Variants in USP44 observed in about 807,000 individuals in gnomAD.
USP44 encodes the protein ubiquitin specific peptidase 44, also known as ubiquitin carboxyl-terminal hydrolase 44.
USP44 carries 61 observed loss-of-function variants against 69.0 expected under a neutral mutation model. That is an observed-to-expected ratio of 0.88 (90% CI 0.72 to 1.09). The LOEUF (loss-of-function observed/expected upper bound fraction) is 1.09, where lower values mean the gene tolerates loss of function less well. Ranked by LOEUF, USP44 falls within the 50% of genes least tolerant of loss-of-function variation. USP44 has a pLI of 0.00. For missense variants in USP44, 753 were observed against 849.9 expected (o/e 0.89, Z 1.42); for synonymous variants, 297 against 295.4 (o/e 1.01, Z -0.06).
intron 2 of USP44, among the ~76,000 whole-genome samples, chr12:95,529,596 T>C (rs1203275207): frequency 1.3e-5 from 2 of 152,132 alleles, no homozygotes; most frequent in African/African-American, 2.4e-5. Context: ...CTAATTTTTC[T>C]ATTTTTAGTA....
intron 1 of USP44, among the ~76,000 whole-genome samples, chr12:95,543,944 G>C (rs2077479943): frequency 1.0e-5 from 1 of 99,980 alleles, no homozygotes; most frequent in African/African-American, 4.0e-5. Flanking sequence ...TCCAGCCAGG[G>C]AGACAGAGGG....
intron 1 of USP44, among the ~76,000 whole-genome samples, chr12:95,537,378 G>T (rs1047454783): frequency 2.6e-5 from 4 of 152,056 alleles, no homozygotes; most frequent in Non-Finnish European, 5.9e-5. Flanking sequence ...GAGTGCAGGG[G>T]TGCTATCTTA....
At position 95,548,925 on chromosome 12, in the gene USP44, G is replaced by A. The variant is rs2077669823; in HGVS notation, c.-71+2347C>T. The A allele has an allele frequency of 6.6e-6, 1 of 152,092 alleles. No individual in the cohort carries two copies. The highest frequency in any genetic ancestry group is 6.5e-5 in the Admixed American group (1 of 15,280). The allele number at this position is 152,092 out of a possible 1,614,324, so 9.4% of individuals were successfully genotyped here. On this transcript the variant is annotated intron_variant, in intron 1 of 5. Coordinates refer to ENST00000258499, the MANE Select transcript of USP44 (RefSeq NM_032147.5). This position sits in a 1 kb window ranked among gnomAD's most constrained non-coding sequence, Gnocchi z 4.1. ...CCCACCCCTGCGCCGGCTCTTCGCG[G>A]GCACCGAGAACCTGCCGGTGGCCGC...
intron 1 of USP44, among the ~76,000 whole-genome samples, chr12:95,540,304 A>C (rs778249534): frequency 3.3e-5 from 5 of 151,730 alleles, no homozygotes; most frequent in Non-Finnish European, 7.4e-5. Flanking sequence ...CTAGGCTAGA[A>C]ATCTTAAGGA....
At chr12:95,524,129 G>A (rs1162622147) in intron 4 of USP44, among the ~76,000 whole-genome samples, 1 of 151,496 alleles carries the variant, frequency 6.6e-6, no homozygotes, top group East Asian at 2.0e-4. Flanking sequence ...CGCCCAGGCT[G>A]GAGTGCAACA....
At chr12:95,528,348 T>C (rs911961344) in intron 3 of USP44, among the ~76,000 whole-genome samples, 2 of 152,256 alleles carry the variant, frequency 1.3e-5, no homozygotes, top group African/African-American at 4.8e-5. Flanking sequence ...AATAAATCTT[T>C]GTTTTGATGA....
intron 1 of USP44, among the ~76,000 whole-genome samples, chr12:95,539,046 C>T (rs1592729378): frequency 1.3e-5 from 2 of 152,108 alleles, no homozygotes; most frequent in African/African-American, 4.8e-5. Flanking sequence ...ATTACCTGTA[C>T]CAATATAATA....
At chr12:95,525,886 G>T (rs1434259768) in intron 3 of USP44, among the ~76,000 whole-genome samples, 1 of 152,204 alleles carries the variant, frequency 6.6e-6, no homozygotes, top group African/African-American at 2.4e-5. Context: ...GTGGGAAGCA[G>T]GCTCAGTCCA....
intron 1 of USP44, among the ~76,000 whole-genome samples, chr12:95,545,031 T>C (rs2077527231): frequency 6.6e-6 from 1 of 152,170 alleles, no homozygotes; most frequent in African/African-American, 2.4e-5. Context: ...AATATACACT[T>C]TTCTACTCTC....
chr12:95,537,277 T>C (rs1303666176), intron 1 of USP44, among the ~76,000 whole-genome samples: 1 of 152,034 alleles, frequency 6.6e-6, no homozygotes, highest in Non-Finnish European at 1.5e-5. Context: ...ACAGAGAAAA[T>C]TTAGTTAAAC....
rs768142071 is a variant in USP44, at chr12:95,533,127, T to C, written c.1130A>G (p.Gln377Arg). ...CAATTCATGACAAAGAGAAATGTACTGTGAAGTTGGCTCCTTTGGCTGAAT... is the reference window on the plus strand; with the variant it reads ...CAATTCATGACAAAGAGAAATGTACCGTGAAGTTGGCTCCTTTGGCTGAAT... The part of the protein sequence containing the change: ...ELIQPKEPTS[Q>R]YISLCHELHT... The change falls in exon 2 of 6, where the codon CAG becomes CGG. Residue 377 changes from glutamine to arginine, a missense_variant. By Grantham distance (43) the Gln-to-Arg change is conservative (BLOSUM62 1). Transcript: ENST00000258499. 8 of 1,614,140 alleles carry C rather than the reference T, an allele frequency of 5.0e-6. No individual in the cohort carries two copies. The highest frequency in any genetic ancestry group is 3.3e-5 in the Admixed American group (2 of 60,006).
chr12:95,527,837 T>TTC (rs572609400), intron 3 of USP44, among the ~76,000 whole-genome samples: 969 of 58,756 alleles, frequency 0.016, 37 homozygotes, highest in African/African-American at 0.053. Flanking sequence ...AGGAAGATGC[T>TTC]TTTTTTTTTT....
At chr12:95,523,907 C>T (rs910361942) in intron 4 of USP44, among the ~76,000 whole-genome samples, 5 of 151,712 alleles carry the variant, frequency 3.3e-5, no homozygotes, top group Non-Finnish European at 7.4e-5. Flanking sequence ...GACAGAGTCT[C>T]GCTCTGTCAC....
In USP44 at chr12:95,518,106, A is replaced by T. The variant is rs752223072; in HGVS notation, c.*48T>A. 4 of 1,584,532 alleles carry T rather than the reference A, an allele frequency of 2.5e-6. No homozygotes were observed. In the African/African-American group the frequency reaches 5.4e-5, roughly 22 times the overall value. On this transcript the variant is annotated 3_prime_UTR_variant, in exon 6 of 6. Coordinates refer to ENST00000258499, the MANE Select transcript of USP44 (RefSeq NM_032147.5). ...GTTTAAAATGGTACATCAGTCTTTT[A>T]AAAAGTATATATATAAATCACAGGA... is the stretch of plus-strand genomic sequence containing the variant.
chr12:95,526,298 C>G (rs969729109), intron 3 of USP44, among the ~76,000 whole-genome samples: 1 of 152,196 alleles, frequency 6.6e-6, no homozygotes, highest in Non-Finnish European at 1.5e-5. Flanking sequence ...ATAGGCCGGG[C>G]GCGGTGGCTC....
intron 1 of USP44, among the ~76,000 whole-genome samples, chr12:95,539,604 T>C (rs1310781086): frequency 6.6e-6 from 1 of 152,226 alleles, no homozygotes; most frequent in Non-Finnish European, 1.5e-5. Flanking sequence ...TTCTAAAAGC[T>C]TTTTTGTCAT....
At position 95,517,682 on chromosome 12, in the gene USP44, ATATT is replaced by A. The variant is rs1436655632; in HGVS notation, c.*468_*471del. The A allele has an allele frequency of 6.5e-6, 1 of 154,062 alleles. No homozygotes were observed. Among genetic ancestry groups the A allele is most frequent in the Non-Finnish European group, 1.4e-5 (1 of 69,184 alleles). 9.5% of individuals were successfully genotyped at this position (154,062 alleles called of 1,614,324 possible). ...AAATACCAGTGAGTGTGACTGAAGA[ATATT>A]TAGGTGATACCTTGACATGTCACTT... is the stretch of plus-strand genomic sequence containing the variant. On this transcript the variant is annotated 3_prime_UTR_variant, in exon 6 of 6. Transcript: ENST00000258499.
chr12:95,519,197 T>G (rs1402266286), intron 5 of USP44, among the ~76,000 whole-genome samples: 1 of 149,080 alleles, frequency 6.7e-6, no homozygotes, highest in African/African-American at 2.5e-5. Flanking sequence ...CTTTGTTTGC[T>G]GATTGCTCAA....
At chr12:95,521,970 G>A in intron 4 of USP44, 6 of 860,850 alleles carry the variant, frequency 7.0e-6, no homozygotes, top group Non-Finnish European at 8.4e-6. Flanking sequence ...TCCCCTCGCT[G>A]TGTGTAAGTC....
Sources: allele counts gnomAD v4.1 joint callset (sites outside exome capture counted in the v4.1 genomes callset), GRCh38; gene constraint gnomAD v4.1.1; non-coding constraint Gnocchi (gnomAD v3.1); transcripts MANE v1.5; gene names NCBI Gene and HGNC (gene_info 2026-07-23, HGNC 2026-07-21).